The following NAT1 variants were observed in gnomAD, a reference collection of about 807,000 sequenced individuals.
The protein encoded by NAT1 is arylamine N-acetyltransferase 1.
For missense variants in NAT1, 400 were observed against 339.2 expected, an observed-to-expected ratio of 1.18 and a Z score of -1.41; for synonymous variants, 144 against 122.6, an observed-to-expected ratio of 1.17 and a Z score of -1.16.
chr8:18,215,752 T>C (rs1183547125), intron 1 of NAT1, among the ~76,000 whole-genome samples: 1 of 152,230 alleles, frequency 6.6e-6, no homozygotes, highest in African/African-American at 2.4e-5. Flanking sequence ...ATCATTTTCA[T>C]GTATGTATAG....
At chr8:18,187,213 G>A (rs942897459) in intron 2 of NAT1, among the ~76,000 whole-genome samples, 4 of 152,178 alleles carry the variant, frequency 2.6e-5, no homozygotes, top group Non-Finnish European at 5.9e-5. Flanking sequence ...ATGCTGGCGA[G>A]GCTGTGGAGA....
chr8:18,221,859 A>T (rs1473948081), intron 2 of NAT1, 183 bp from the exon 3 acceptor site: 12 of 567,532 alleles, frequency 2.1e-5, no homozygotes, highest in Non-Finnish European at 3.2e-5. Context: ...TTCTCACAGG[A>T]TTCTGGGACT....
intron 2 of NAT1, among the ~76,000 whole-genome samples, chr8:18,180,120 G>A (rs1802453709): frequency 1.3e-5 from 2 of 151,410 alleles, no homozygotes; most frequent in South Asian, 4.2e-4. Context: ...AATTGGGGGA[G>A]CTAGAGGGAA....
intron 1 of NAT1, among the ~76,000 whole-genome samples, chr8:18,215,825 G>A (rs1804602508): frequency 6.6e-6 from 1 of 152,090 alleles, no homozygotes; most frequent in Non-Finnish European, 1.5e-5. Flanking sequence ...TCCAGCTGGG[G>A]TTGGTGTAGA....
At chr8:18,211,789 G>T (rs1804131974) in intron 1 of NAT1, among the ~76,000 whole-genome samples, 1 of 148,788 alleles carries the variant, frequency 6.7e-6, no homozygotes, top group African/African-American at 2.5e-5. Context: ...TGGTGGTAGA[G>T]GCAAAAGAAA....
intron 2 of NAT1, among the ~76,000 whole-genome samples, chr8:18,220,415 G>A (rs1805160169): frequency 6.6e-6 from 1 of 152,140 alleles, no homozygotes; most frequent in African/African-American, 2.4e-5. Context: ...TTTGTACAAG[G>A]TCATCCTCAG....
At chr8:18,207,549 G>T (rs887457863), upstream of NAT1, among the ~76,000 whole-genome samples, 1 of 152,140 alleles carries the variant, frequency 6.6e-6, no homozygotes, top group African/African-American at 2.4e-5. Flanking sequence ...AGAAATGCAA[G>T]TCAAAACCAC....
At chr8:18,199,237 C>A (rs1251626571) in intron 2 of NAT1, among the ~76,000 whole-genome samples, 4 of 151,194 alleles carry the variant, frequency 2.6e-5, no homozygotes, top group African/African-American at 7.3e-5. Context: ...TCGTTTGAAC[C>A]CAGGAGGTGG....
chr8:18,196,256 T>C (rs1321855517), intron 2 of NAT1, among the ~76,000 whole-genome samples: 1 of 152,176 alleles, frequency 6.6e-6, no homozygotes, highest in Middle Eastern at 3.2e-3. Flanking sequence ...AGCCAACTTT[T>C]ACAACTTTTA....
At chr8:18,191,624 G>A (rs1297230323) in intron 2 of NAT1, among the ~76,000 whole-genome samples, 1 of 152,046 alleles carries the variant, frequency 6.6e-6, no homozygotes, top group Non-Finnish European at 1.5e-5. Context: ...AAACAGCATG[G>A]TACTGGTACC....
At chr8:18,206,564 T>C (rs148590685), upstream of NAT1, among the ~76,000 whole-genome samples, 1 of 152,270 alleles carries the variant, frequency 6.6e-6, no homozygotes, top group East Asian at 1.9e-4. Flanking sequence ...GAGAAAAAAA[T>C]AAAAAGTACA....
chr8:18,216,882 T>C, intron 1 of NAT1: 2 of 1,545,414 alleles, frequency 1.3e-6, no homozygotes, highest in Non-Finnish European at 1.8e-6. Context: ...AACAGACGTG[T>C]ACAGAAGGGC....
chr8:18,175,391 T>A (rs1802258667), intron 2 of NAT1, among the ~76,000 whole-genome samples: 1 of 152,078 alleles, frequency 6.6e-6, no homozygotes, highest in Admixed American at 6.6e-5. Flanking sequence ...CCCTAGCTAC[T>A]GGTAATCCCT....
At chr8:18,172,467 C>T (rs536771773) in intron 2 of NAT1, among the ~76,000 whole-genome samples, 74 of 152,300 alleles carry the variant, frequency 4.9e-4, no homozygotes, top group Middle Eastern at 3.4e-3. Context: ...TTTGTCCTTG[C>T]CGCCAGGCTT....
At chr8:18,210,277 A>C (rs1803947586) in intron 1 of NAT1, 97 bp downstream of exon 1, 1 of 152,174 alleles carries the variant, frequency 6.6e-6, no homozygotes, top group African/African-American at 2.4e-5. Context: ...CTACATTTCA[A>C]GTATAAGGTT....
chr8:18,216,087 C>A (rs1477196777), intron 1 of NAT1, among the ~76,000 whole-genome samples: 2 of 151,966 alleles, frequency 1.3e-5, no homozygotes, highest in African/African-American at 4.8e-5. Context: ...ATGACATAAA[C>A]AAAAGGGGCA....
intron 2 of NAT1, among the ~76,000 whole-genome samples, chr8:18,187,379 C>T (rs913927683): frequency 1.3e-5 from 2 of 152,160 alleles, no homozygotes; most frequent in African/African-American, 4.8e-5. Flanking sequence ...ATTGCTCTAC[C>T]ATAAAGACAC....
intron 1 of NAT1, among the ~76,000 whole-genome samples, chr8:18,216,500 G>C (rs918835373): frequency 6.6e-6 from 1 of 152,162 alleles, no homozygotes; most frequent in Non-Finnish European, 1.5e-5. Context: ...GTTACCTCTA[G>C]TAAGGAAACC....
intron 1 of NAT1, among the ~76,000 whole-genome samples, chr8:18,213,520 A>G (rs1301426374): frequency 6.6e-6 from 1 of 152,066 alleles, no homozygotes; most frequent in East Asian, 1.9e-4. Flanking sequence ...GAAACTGTCA[A>G]CTAACCTCTA....
Sources: gnomAD v4.1 joint callset for allele counts (sites outside exome capture counted in the v4.1 genomes callset) on GRCh38, gnomAD v4.1.1 for gene constraint, MANE v1.5 for transcripts, NCBI Gene and HGNC (gene_info 2026-07-23, HGNC 2026-07-21) for gene names.